Variants in NRXN1 observed in about 807,000 individuals in gnomAD.
The protein encoded by NRXN1 is neurexin 1.
A neutral mutation model predicts 150.9 loss-of-function variants in NRXN1; 39 were observed. The observed-to-expected ratio is 0.26, with a 90% CI of 0.20 to 0.34. The LOEUF is 0.34. Ranked by LOEUF, NRXN1 falls within the 10% of genes least tolerant of loss-of-function variation. The pLI is 1.00. For missense variants in NRXN1, 1,815 were observed against 1,949.9 expected (o/e 0.93, Z 1.30); for synonymous variants, 924 against 757.0 (o/e 1.22, Z -3.62).
intron 17 of NRXN1, among the ~76,000 whole-genome samples, chr2:50,314,806 T>C (rs1216065178): frequency 6.6e-6 from 1 of 152,084 alleles, no homozygotes; most frequent in Non-Finnish European, 1.5e-5. Context: ...CCAGTATTTA[T>C]AATGATGTTC....
chr2:50,128,191 T>C (rs1196653488), intron 18 of NRXN1, among the ~76,000 whole-genome samples: 1 of 152,182 alleles, frequency 6.6e-6, no homozygotes, highest in East Asian at 1.9e-4. Flanking sequence ...TGGTAGGAGC[T>C]ATAGGTGAAA....
chr2:50,084,557 C>G (rs114447022), intron 19 of NRXN1, among the ~76,000 whole-genome samples: 5,318 of 152,252 alleles, frequency 0.035, 324 homozygotes, highest in African/African-American at 0.12. Flanking sequence ...CTGCAAGCGC[C>G]GCACGCAGCC....
intron 17 of NRXN1, among the ~76,000 whole-genome samples, chr2:50,320,309 T>TA (rs1450160998): frequency 8.1e-6 from 1 of 124,064 alleles, no homozygotes; most frequent in African/African-American, 3.2e-5. Context: ...TATATATATA[T>TA]ATATATATAT....
chr2:50,117,373 A>C (rs1703208440), intron 18 of NRXN1, among the ~76,000 whole-genome samples: 1 of 152,174 alleles, frequency 6.6e-6, no homozygotes, highest in Non-Finnish European at 1.5e-5. Flanking sequence ...AATAAGGAGA[A>C]TGGGTAATAA....
chr2:50,147,886 A>G lies in NRXN1; in HGVS notation c.3547-56392T>C, dbSNP rs559643882. ...TATATTGCTGAAGCCTGTTGCATGTAGCCTATGCATGTAGCTGCTTGTCTC... is the reference window on the plus strand; with the variant it reads ...TATATTGCTGAAGCCTGTTGCATGTGGCCTATGCATGTAGCTGCTTGTCTC... On this transcript the variant is annotated intron_variant, in intron 18 of 22. Coordinates refer to ENST00000401669, the MANE Select transcript of NRXN1 (RefSeq NM_001330078.2). 1.3e-4 allele frequency among the ~76,000 whole-genome samples: 19 copies of G among 151,840 alleles called. No homozygotes were observed. In the East Asian group the frequency reaches 3.5e-3, roughly 28 times the overall value.
intron 5 of NRXN1, among the ~76,000 whole-genome samples, chr2:50,694,290 C>T (rs187205169): frequency 2.0e-5 from 3 of 152,156 alleles, no homozygotes; most frequent in Admixed American, 6.5e-5. Flanking sequence ...GGTTCTAGCA[C>T]TGTCTCTTAC....
chr2:50,421,797 T>C (rs2084019786), intron 17 of NRXN1, among the ~76,000 whole-genome samples: 1 of 152,132 alleles, frequency 6.6e-6, no homozygotes, highest in Non-Finnish European at 1.5e-5. Flanking sequence ...GCATAATTCA[T>C]CATGAAGAGA....
intron 5 of NRXN1, among the ~76,000 whole-genome samples, chr2:50,874,694 A>G (rs1160300672): frequency 6.6e-6 from 1 of 151,814 alleles, no homozygotes; most frequent in Non-Finnish European, 1.5e-5. Context: ...TTAGTCAAAG[A>G]AAAATAATCT....
intron 11 of NRXN1, 190 bp from the exon 12 acceptor site, chr2:50,528,841 A>G (rs1020098930): frequency 2.1e-6 from 1 of 483,610 alleles, no homozygotes. Flanking sequence ...GGAAACAACA[A>G]TAGAAGGTTT....
chr2:50,310,826 A>T (rs1387269349), intron 17 of NRXN1, among the ~76,000 whole-genome samples: 1 of 152,174 alleles, frequency 6.6e-6, no homozygotes, highest in African/African-American at 2.4e-5. Context: ...AGATTAACAC[A>T]GCAGACAGAA....
chr2:50,928,546 T>C (rs1165458543), intron 2 of NRXN1, among the ~76,000 whole-genome samples: 3 of 152,054 alleles, frequency 2.0e-5, no homozygotes, highest in East Asian at 1.9e-4. Flanking sequence ...TTCCTTTCCA[T>C]TTTATTTCTG....
At position 50,553,025 on chromosome 2, in the gene NRXN1, C is replaced by T. The variant is rs1573518945; in HGVS notation, c.1321G>A (p.Val441Ile). The change falls in exon 9 of 23, where the codon GTT (valine) becomes ATT (isoleucine). Residue 441 changes from valine to isoleucine, a missense_variant and splice_region_variant. Around this residue, in one of 6 missense-constraint regions of NRXN1, gnomAD observed 638 missense variants for 652.6 expected, o/e 0.98. Coordinates refer to ENST00000401669, the MANE Select transcript of NRXN1 (RefSeq NM_001330078.2). ...CTCACATCATTATTTTTATATACAA[C>T]CTGTGGGCAGAGGATAGCAGTGAGA... ...SNNFMGCLKEVVYKNNDVRLE... is the reference protein window; with the variant it reads ...SNNFMGCLKEIVYKNNDVRLE... 5 of 1,601,214 alleles carry T rather than the reference C, an allele frequency of 3.1e-6. No individual in the cohort carries two copies. The East Asian group carries it at 6.7e-5, about 21-fold the overall frequency.
chr2:50,774,809 T>A (rs539718081), intron 5 of NRXN1, among the ~76,000 whole-genome samples: 1 of 152,246 alleles, frequency 6.6e-6, no homozygotes, highest in South Asian at 2.1e-4. Flanking sequence ...TCTTACCATT[T>A]ATGAAATGCT....
chr2:50,104,564 T>C (rs182069444), intron 18 of NRXN1, among the ~76,000 whole-genome samples: 263 of 152,158 alleles, frequency 1.7e-3, no homozygotes, highest in African/African-American at 6.3e-3. Flanking sequence ...ATGATGATAA[T>C]GATGATGATA....
At chr2:50,141,271 A>G (rs771804112) in intron 18 of NRXN1, among the ~76,000 whole-genome samples, 3 of 152,092 alleles carry the variant, frequency 2.0e-5, no homozygotes, top group Admixed American at 2.0e-4. Context: ...GAAGAATTAC[A>G]TTAGATCCCT....
chr2:50,379,305 C>T (rs375630167), intron 17 of NRXN1, among the ~76,000 whole-genome samples: 9 of 152,054 alleles, frequency 5.9e-5, no homozygotes, highest in African/African-American at 2.2e-4. Flanking sequence ...CCCTGACACA[C>T]ATATATTTTC....
intron 5 of NRXN1, among the ~76,000 whole-genome samples, chr2:50,842,782 C>T (rs893252223): frequency 6.6e-6 from 1 of 152,118 alleles, no homozygotes; most frequent in East Asian, 1.9e-4. Flanking sequence ...ATTAGCAAGA[C>T]CAATATTTTT....
At chr2:50,286,709 A>G (rs1363132480) in intron 17 of NRXN1, among the ~76,000 whole-genome samples, 1 of 152,116 alleles carries the variant, frequency 6.6e-6, no homozygotes, top group Non-Finnish European at 1.5e-5. Flanking sequence ...ATGTGAGTAC[A>G]TTAAAAAATT....
chr2:50,621,876 C>T (rs996638168), intron 6 of NRXN1, among the ~76,000 whole-genome samples: 1 of 152,104 alleles, frequency 6.6e-6, no homozygotes, highest in Non-Finnish European at 1.5e-5. Flanking sequence ...TTAATCTGTC[C>T]TGCTACACAT....
Sources: gnomAD v4.1 joint callset for allele counts (sites outside exome capture counted in the v4.1 genomes callset) on GRCh38, gnomAD v4.1.1 for gene constraint, gnomAD v4.1.1 regional missense constraint, MANE v1.5 for transcripts, NCBI Gene and HGNC (gene_info 2026-07-23, HGNC 2026-07-21) for gene names.